Variants in HECW1 observed in about 807,000 individuals in gnomAD.
HECW1 encodes HECT, C2 and WW domain containing E3 ubiquitin protein ligase 1, also known as E3 ubiquitin-protein ligase HECW1.
A neutral mutation model predicts 182.3 loss-of-function variants in HECW1; 61 were observed. The ratio of observed to expected loss-of-function variants is 0.33; its 90% CI spans 0.27 to 0.41. The LOEUF (loss-of-function observed/expected upper bound fraction) is 0.41. Ranked by LOEUF, HECW1 falls within the 10% of genes least tolerant of loss-of-function variation. The pLI, the probability that HECW1 is intolerant of heterozygous loss-of-function variation, is 1.00. For missense variants in HECW1, 1,739 were observed against 2,108.9 expected (o/e 0.82, Z 3.44); for synonymous variants, 859 against 832.6 (o/e 1.03, Z -0.55).
chr7:43,207,248 T>G (rs1226177768), intron 2 of HECW1, among the ~76,000 whole-genome samples: 2 of 152,168 alleles, frequency 1.3e-5, no homozygotes, highest in East Asian at 3.9e-4. Context: ...GGTTTCACCA[T>G]GTTGGCCAGG....
At chr7:43,248,049 GAGGA>G (rs1204487074) in intron 3 of HECW1, among the ~76,000 whole-genome samples, 26 of 137,634 alleles carry the variant, frequency 1.9e-4, no homozygotes, top group South Asian at 7.9e-4. Context: ...GGGAGGGAGA[GAGGA>G]AGGAAGGAAG....
intron 2 of HECW1, chr7:43,148,652 A>G (rs1487187127): frequency 1.3e-5 from 2 of 151,988 alleles, no homozygotes; most frequent in African/African-American, 4.8e-5. Flanking sequence ...GAATGGATCA[A>G]TCAAATAAGA....
At chr7:43,118,737 T>C (rs1421826880) in intron 2 of HECW1, among the ~76,000 whole-genome samples, 3 of 152,180 alleles carry the variant, frequency 2.0e-5, no homozygotes, top group Admixed American at 6.5e-5. Context: ...AAAAATCGTT[T>C]TGAGGATTGT....
rs1227979709 is a variant in HECW1, at chr7:43,367,925, C to G, written c.555+6945C>G. 3.9e-5 allele frequency among the ~76,000 whole-genome samples: 6 copies of G among 152,130 alleles called. No individual in the cohort carries two copies. In the East Asian group the frequency reaches 9.6e-4, roughly 24 times the overall value. On this transcript the variant is annotated intron_variant, in intron 6 of 29. Transcript: ENST00000395891. ...GCCTCTTGCCTCTAATCTTCTTTTC[C>G]CAGAACCTGCTTCCACTTCCTCAGC...
intron 5 of HECW1, among the ~76,000 whole-genome samples, chr7:43,336,923 A>C (rs1158838684): frequency 6.6e-6 from 1 of 152,076 alleles, no homozygotes; most frequent in Non-Finnish European, 1.5e-5. Flanking sequence ...GTATATATAC[A>C]TTTTCTTTAT....
chr7:43,424,227 C>T (rs2076284310), intron 8 of HECW1, among the ~76,000 whole-genome samples: 1 of 152,138 alleles, frequency 6.6e-6, no homozygotes, highest in Admixed American at 6.6e-5. Flanking sequence ...TTACTATGCT[C>T]CAGTGACAAA....
In HECW1 at chr7:43,402,724, G is replaced by C. The variant is rs550696848; in HGVS notation, c.632-4838G>C. On this transcript the variant is annotated intron_variant, in intron 7 of 29. Transcript: ENST00000395891. ...GGAAATAAGCAGAAAGTAGATAATG[G>C]AATTGCCTTCTTAGAAAGCTCCAAC... 8.5e-5 allele frequency among the ~76,000 whole-genome samples: 13 copies of C among 152,278 alleles called. No homozygotes were observed. In the East Asian group the frequency reaches 2.5e-3, roughly 29 times the overall value.
At chr7:43,140,683 A>G (rs1417552761) in intron 2 of HECW1, among the ~76,000 whole-genome samples, 2 of 152,234 alleles carry the variant, frequency 1.3e-5, no homozygotes, top group Non-Finnish European at 2.9e-5. Flanking sequence ...ACCCAAAGTA[A>G]TGCAAATGCT....
At chr7:43,209,776 C>A (rs946733319) in intron 2 of HECW1, among the ~76,000 whole-genome samples, 4 of 152,006 alleles carry the variant, frequency 2.6e-5, no homozygotes, top group Admixed American at 2.6e-4. Flanking sequence ...TATCTGAATG[C>A]TGGCAGGAAG....
chr7:43,262,308 AG>A (rs56156862), intron 3 of HECW1, among the ~76,000 whole-genome samples: 3,449 of 152,248 alleles, frequency 0.023, 45 homozygotes, highest in Non-Finnish European at 0.036. Flanking sequence ...ACAAGAAAAA[AG>A]AAAACAATGG....
rs190138167 is a variant in HECW1, at chr7:43,332,039, G to A, written c.460+11297G>A. On this transcript the variant is annotated intron_variant, in intron 5 of 29. Coordinates refer to ENST00000395891, the MANE Select transcript of HECW1 (RefSeq NM_015052.5). Reference sequence around the variant, plus strand: ...AGTGTGGGTGACGCAGGTGGCAGGTGCAAGATGGGAACAAAGAGACAGGAA... The same window carrying A: ...AGTGTGGGTGACGCAGGTGGCAGGTACAAGATGGGAACAAAGAGACAGGAA... 5.1e-4 allele frequency among the ~76,000 whole-genome samples: 77 copies of A among 152,252 alleles called. 1 individual carries two copies. In the East Asian group the frequency reaches 0.011, roughly 21 times the overall value.
At chr7:43,333,055 A>G (rs1319995266) in intron 5 of HECW1, among the ~76,000 whole-genome samples, 1 of 152,162 alleles carries the variant, frequency 6.6e-6, no homozygotes, top group Non-Finnish European at 1.5e-5. Context: ...CCCATGACTA[A>G]GGCAGAGGAT....
intron 28 of HECW1, among the ~76,000 whole-genome samples, chr7:43,552,689 T>A (rs2081880502): frequency 6.6e-6 from 1 of 152,242 alleles, no homozygotes; most frequent in Non-Finnish European, 1.5e-5. Context: ...GTGTCTGGCT[T>A]CTTTGACTTA....
intron 13 of HECW1, among the ~76,000 whole-genome samples, chr7:43,460,534 G>C (rs546203618): frequency 6.6e-6 from 1 of 152,000 alleles, no homozygotes; most frequent in African/African-American, 2.4e-5. Context: ...GTGTGTGTGC[G>C]CGCGTGCGTG....
chr7:43,471,589 G>A (rs1368150155), intron 16 of HECW1, among the ~76,000 whole-genome samples: 1 of 152,176 alleles, frequency 6.6e-6, no homozygotes, highest in African/African-American at 2.4e-5. Context: ...CAAAGAACAC[G>A]CTGGCATCTG....
intron 2 of HECW1, among the ~76,000 whole-genome samples, chr7:43,208,260 T>C (rs1795672827): frequency 6.6e-6 from 1 of 152,246 alleles, no homozygotes; most frequent in Non-Finnish European, 1.5e-5. Flanking sequence ...TCTATTGATT[T>C]CTCTATTTCA....
At chr7:43,561,158 G>T (rs2082195313) in intron 29 of HECW1, among the ~76,000 whole-genome samples, 1 of 152,216 alleles carries the variant, frequency 6.6e-6, no homozygotes. Flanking sequence ...CTTGTCTAAG[G>T]CAGACACTGG....
intron 3 of HECW1, among the ~76,000 whole-genome samples, chr7:43,250,328 G>A (rs1799897778): frequency 6.6e-6 from 1 of 152,198 alleles, no homozygotes; most frequent in South Asian, 2.1e-4. Context: ...TGGCTTGGAT[G>A]TTGTAGATGG....
In HECW1 at chr7:43,202,310, T is replaced by C. The variant is rs555602859; in HGVS notation, c.-31-41565T>C. ...TGTACTCCGTAGGATCTCTCTCTCA[T>C]CAAAAAATTGTGTGTGCATATTTTT... On this transcript the variant is annotated intron_variant, in intron 2 of 29. Coordinates refer to ENST00000395891, the MANE Select transcript of HECW1 (RefSeq NM_015052.5). 1.3e-4 allele frequency among the ~76,000 whole-genome samples: 20 copies of C among 152,260 alleles called. No individual in the cohort carries two copies. The South Asian group carries it at 3.5e-3, about 27-fold the overall frequency.
Sources: gnomAD v4.1 joint callset for allele counts (sites outside exome capture counted in the v4.1 genomes callset) on GRCh38, gnomAD v4.1.1 for gene constraint, MANE v1.5 for transcripts, NCBI Gene and HGNC (gene_info 2026-07-23, HGNC 2026-07-21) for gene names.